The following ADARB2 variants were observed in gnomAD, a reference collection of about 807,000 sequenced individuals.
The protein encoded by ADARB2 is adenosine deaminase RNA specific B2 (inactive), also known as inactive double-stranded RNA-specific editase B2.
A neutral mutation model predicts 62.2 loss-of-function variants in ADARB2; 25 were observed. The ratio of observed to expected loss-of-function variants is 0.40; its 90% CI spans 0.29 to 0.56. The LOEUF is 0.56. Ranked by LOEUF, ADARB2 falls within the 20% of genes least tolerant of loss-of-function variation. The pLI, the probability that ADARB2 is intolerant of heterozygous loss-of-function variation, is 0.43. For synonymous variants in ADARB2, 572 were observed against 500.8 expected, an observed-to-expected ratio of 1.14 and a Z score of -1.90; for missense variants, 1,071 against 1,077.4, an observed-to-expected ratio of 0.99 and a Z score of 0.08.
At chr10:1,513,124 G>A (rs928884153) in intron 1 of ADARB2, among the ~76,000 whole-genome samples, 9 of 152,186 alleles carry the variant, frequency 5.9e-5, no homozygotes, top group Non-Finnish European at 1.3e-4. Flanking sequence ...ATGTTGATTT[G>A]TTTGACTGTA....
intron 1 of ADARB2, among the ~76,000 whole-genome samples, chr10:1,603,042 A>ACG (rs1833444296): frequency 6.6e-6 from 1 of 151,400 alleles, no homozygotes; most frequent in South Asian, 2.1e-4. Flanking sequence ...ATAAACACAC[A>ACG]CGCACACACA....
intron 7 of ADARB2, among the ~76,000 whole-genome samples, chr10:1,209,959 C>T (rs1018827012): frequency 3.9e-5 from 6 of 152,216 alleles, no homozygotes; most frequent in Non-Finnish European, 8.8e-5. Flanking sequence ...TCATATTTTG[C>T]TGTAAACTGA....
At chr10:1,656,475 A>G (rs1834173198) in intron 1 of ADARB2, among the ~76,000 whole-genome samples, 1 of 152,050 alleles carries the variant, frequency 6.6e-6, no homozygotes, top group African/African-American at 2.4e-5. Context: ...AGATAGCTTC[A>G]CTTTCATACT....
chr10:1,709,004 A>T (rs1406693732), intron 1 of ADARB2, among the ~76,000 whole-genome samples: 1 of 152,170 alleles, frequency 6.6e-6, no homozygotes. Context: ...CATTTTAAAT[A>T]TGGAGGGAGG....
At chr10:1,376,295 A>G (rs2131858375) in intron 2 of ADARB2, among the ~76,000 whole-genome samples, 1 of 152,370 alleles carries the variant, frequency 6.6e-6, no homozygotes, top group East Asian at 1.9e-4. Flanking sequence ...GAGACTCCTC[A>G]AGCATTTCAA....
rs891938237 is a variant in ADARB2, at chr10:1,610,748, G to A, written c.100+126303C>T. Among the ~76,000 whole-genome samples the A allele has an allele frequency of 3.3e-4, 49 of 150,452 alleles. 1 individual carries two copies. Among genetic ancestry groups the A allele is most frequent in the African/African-American group, 1.2e-3 (48 of 41,008 alleles). ...GGACTGTTCATGGAGATGGGCAGGCGCACACACACACACACACACACATGC... is the reference window on the plus strand; with the variant it reads ...GGACTGTTCATGGAGATGGGCAGGCACACACACACACACACACACACATGC... On this transcript the variant is annotated intron_variant, in intron 1 of 9. Transcript: ENST00000381312.
Position 1,633,878 on chromosome 10 carries a change from C to T in ADARB2, c.100+103173G>A, listed in dbSNP as rs558460774. On this transcript the variant is annotated intron_variant, in intron 1 of 9. Transcript: ENST00000381312. Reference sequence around the variant, plus strand: ...CTCTAGTGTGGAGCAGCCTGAAGCCCGAGGGAGTGTCCTGTGCCAGCACCA... The same window carrying T: ...CTCTAGTGTGGAGCAGCCTGAAGCCTGAGGGAGTGTCCTGTGCCAGCACCA... Among the ~76,000 whole-genome samples, 2 of 152,242 alleles carry T rather than the reference C, an allele frequency of 1.3e-5. 1 individual carries two copies. Among genetic ancestry groups the T allele is most frequent in the South Asian group, 4.1e-4 (2 of 4,824 alleles).
At chr10:1,591,353 T>C (rs1350378586) in intron 1 of ADARB2, among the ~76,000 whole-genome samples, 1 of 149,378 alleles carries the variant, frequency 6.7e-6, no homozygotes, top group East Asian at 2.1e-4. Flanking sequence ...TGCCCCTTCG[T>C]ACCCCCACCC....
At chr10:1,559,020 G>A (rs1400223088) in intron 1 of ADARB2, among the ~76,000 whole-genome samples, 1 of 152,244 alleles carries the variant, frequency 6.6e-6, no homozygotes, top group East Asian at 1.9e-4. Flanking sequence ...TGAGGCTTGG[G>A]AAAGGCGGAT....
intron 1 of ADARB2, among the ~76,000 whole-genome samples, chr10:1,433,180 G>C (rs560169624): frequency 6.6e-6 from 1 of 152,218 alleles, no homozygotes; most frequent in Non-Finnish European, 1.5e-5. Context: ...GAAAGGCGAA[G>C]CTTGAGAAAG....
chr10:1,726,165 C>T (rs1835161587), intron 1 of ADARB2, among the ~76,000 whole-genome samples: 1 of 152,214 alleles, frequency 6.6e-6, no homozygotes, highest in African/African-American at 2.4e-5. Flanking sequence ...GCAAGTAGCA[C>T]ATATGACAGA....
intron 3 of ADARB2, among the ~76,000 whole-genome samples, chr10:1,309,724 G>A (rs1227566397): frequency 6.6e-6 from 1 of 152,228 alleles, no homozygotes; most frequent in Non-Finnish European, 1.5e-5. Context: ...GGCTGGTGGG[G>A]CTGGAGAAGT....
chr10:1,736,386 T>C (rs142658580), intron 1 of ADARB2, among the ~76,000 whole-genome samples: 1 of 152,344 alleles, frequency 6.6e-6, no homozygotes, highest in Non-Finnish European at 1.5e-5. Context: ...AGTTTGTCAG[T>C]GGCCGCTGTC....
At chr10:1,312,601 C>T (rs1831702146) in intron 3 of ADARB2, among the ~76,000 whole-genome samples, 1 of 152,244 alleles carries the variant, frequency 6.6e-6, no homozygotes, top group African/African-American at 2.4e-5. Context: ...TAAGCATGCA[C>T]ATCTCCCTTT....
chr10:1,358,307 C>T (rs553564362), intron 3 of ADARB2, among the ~76,000 whole-genome samples: 70 of 152,286 alleles, frequency 4.6e-4, no homozygotes, highest in South Asian at 8.3e-4. Flanking sequence ...ATTATGATGT[C>T]GGATAGGAGA....
At chr10:1,342,699 C>T (rs951441052) in intron 3 of ADARB2, among the ~76,000 whole-genome samples, 1 of 152,212 alleles carries the variant, frequency 6.6e-6, no homozygotes, top group African/African-American at 2.4e-5. Context: ...CCGCCCCAAT[C>T]GTTCAGCCAC....
chr10:1,672,000 G>A (rs1426030789), intron 1 of ADARB2, among the ~76,000 whole-genome samples: 2 of 151,352 alleles, frequency 1.3e-5, no homozygotes, highest in African/African-American at 4.8e-5. Context: ...GGGGGGCGGA[G>A]GGGCAGAGCC....
rs189648554 is a variant in ADARB2 at position 1,356,732 on chromosome 10, C to A, written c.1077+6296G>T. On this transcript the variant is annotated intron_variant, in intron 3 of 9. Transcript: ENST00000381312. Reference sequence around the variant, plus strand: ...TGGCACACACTGTTCTTCAATCTCACCTCCCTCCAGCCTTCTCAAGCAAAG... The same window carrying A: ...TGGCACACACTGTTCTTCAATCTCAACTCCCTCCAGCCTTCTCAAGCAAAG... 2.8e-3 allele frequency among the ~76,000 whole-genome samples: 431 copies of A among 152,252 alleles called. 2 individuals carry two copies. The highest frequency in any genetic ancestry group is 0.01 in the African/African-American group (418 of 41,536).
In ADARB2 at chr10:1,310,821, G is replaced by A. The variant is rs548613252; in HGVS notation, c.1078-39752C>T. Among the ~76,000 whole-genome samples the A allele has an allele frequency of 1.6e-4, 25 of 152,368 alleles. No homozygotes were observed. The South Asian group carries it at 4.8e-3, about 29-fold the overall frequency. ...AGGCAGGGAAAGAGGAGACAGGATT[G>A]TAAAGACAAGGAGTAGTTTTCAGTA... On this transcript the variant is annotated intron_variant, in intron 3 of 9. Transcript: ENST00000381312.
Sources: gnomAD v4.1 joint callset for allele counts (sites outside exome capture counted in the v4.1 genomes callset) on GRCh38, gnomAD v4.1.1 for gene constraint, MANE v1.5 for transcripts, NCBI Gene and HGNC (gene_info 2026-07-23, HGNC 2026-07-21) for gene names.